AP3S1: variants seen among roughly 807,000 people sequenced by gnomAD.
AP3S1 encodes adaptor related protein complex 3 subunit sigma 1, also known as AP-3 complex subunit sigma-1.
Under a neutral mutation model 21.3 loss-of-function variants are expected in AP3S1, and 12 were observed. The ratio of observed to expected loss-of-function variants is 0.56; its 90% CI spans 0.36 to 0.91. The LOEUF (loss-of-function observed/expected upper bound fraction) is 0.91, where lower values mean the gene tolerates loss of function less well. Ranked by LOEUF, AP3S1 falls within the 40% of genes least tolerant of loss-of-function variation. The pLI is 0.01. For synonymous variants in AP3S1, 48 were observed against 78.4 expected (o/e 0.61, Z 2.05); for missense variants, 116 against 225.0 (o/e 0.52, Z 3.10).
At chr5:115,845,157 T>C (rs1452674616) in intron 1 of AP3S1, among the ~76,000 whole-genome samples, 2 of 152,208 alleles carry the variant, frequency 1.3e-5, no homozygotes, top group East Asian at 1.9e-4. Context: ...GAAGTATATG[T>C]CCAATATGAA....
intron 3 of AP3S1, among the ~76,000 whole-genome samples, chr5:115,885,928 G>A (rs1161171352): frequency 6.6e-6 from 1 of 152,134 alleles, no homozygotes. Flanking sequence ...ATTTATGTGG[G>A]TGCTGTAAGT....
intron 3 of AP3S1, among the ~76,000 whole-genome samples, chr5:115,870,682 A>G (rs967660783): frequency 6.6e-6 from 1 of 152,060 alleles, no homozygotes. Flanking sequence ...TTTCTTCTCA[A>G]ACACCTCCAA....
intron 3 of AP3S1, among the ~76,000 whole-genome samples, chr5:115,881,267 T>TTAGTTGG (rs1239892839): frequency 1.3e-5 from 2 of 152,308 alleles, no homozygotes; most frequent in East Asian, 3.9e-4. Flanking sequence ...ATTTTGCCTG[T>TTAGTTGG]TAGTTGGTGC....
chr5:115,855,699 A>G (rs959441311), intron 1 of AP3S1, among the ~76,000 whole-genome samples: 1 of 152,218 alleles, frequency 6.6e-6, no homozygotes, highest in African/African-American at 2.4e-5. Context: ...ACAAAACTAT[A>G]AATTCAAAAT....
chr5:115,888,941 A>T (rs1159101147), intron 3 of AP3S1, among the ~76,000 whole-genome samples: 1 of 152,122 alleles, frequency 6.6e-6, no homozygotes, highest in Non-Finnish European at 1.5e-5. Context: ...TCTCTATCTT[A>T]TAGTTCTGAG....
chr5:115,893,959 A>C (rs4143542), intron 3 of AP3S1, among the ~76,000 whole-genome samples: 17,374 of 152,240 alleles, frequency 0.11, 1,611 homozygotes, highest in East Asian at 0.33. Flanking sequence ...GGAATAGAAT[A>C]GTCAGTGACA....
chr5:115,906,922 C>T, intron 5 of AP3S1: 1 of 1,446,584 alleles, frequency 6.9e-7, no homozygotes, highest in Non-Finnish European at 9.1e-7. Context: ...ATGTCAAAGG[C>T]AATTAATTAT....
rs759382686 is a variant in AP3S1, at chr5:115,906,775, C to T, written c.453+3783C>T. ...TTGAAAGTCAGTCCTCTTTTTTTTC[C>T]GAACATCCTGATCTTTCTAGCTCTT... On this transcript the variant is annotated intron_variant, in intron 5 of 5. Coordinates refer to ENST00000316788, the MANE Select transcript of AP3S1 (RefSeq NM_001284.4). 1,318 of 1,393,612 alleles carry T rather than the reference C, an allele frequency of 9.5e-4. 2 individuals carry two copies. Among genetic ancestry groups the T allele is most frequent in the Non-Finnish European group, 1.1e-3 (1,213 of 1,056,236 alleles). The allele number at this position is 1,393,612 out of a possible 1,614,324, so 86.3% of individuals were successfully genotyped here.
chr5:115,899,841 A>G (rs1751060278), intron 4 of AP3S1, among the ~76,000 whole-genome samples: 1 of 152,148 alleles, frequency 6.6e-6, no homozygotes. Flanking sequence ...GATCTTATCC[A>G]ATTGAGAGAA....
chr5:115,856,962 G>C (rs924513939), intron 1 of AP3S1, among the ~76,000 whole-genome samples: 1 of 152,000 alleles, frequency 6.6e-6, no homozygotes, highest in African/African-American at 2.4e-5. Context: ...TGCTTTCCCC[G>C]TTCCTCCTTT....
chr5:115,889,413 A>G (rs1750084585), intron 3 of AP3S1, among the ~76,000 whole-genome samples: 1 of 152,236 alleles, frequency 6.6e-6, no homozygotes, highest in South Asian at 2.1e-4. Context: ...TTTCAGATAA[A>G]TTTGGTCCAA....
intron 1 of AP3S1, 74 bp downstream of exon 1, chr5:115,842,180 C>T: frequency 6.7e-7 from 1 of 1,495,662 alleles, no homozygotes; most frequent in Non-Finnish European, 8.9e-7. Context: ...GCGGCTTTCT[C>T]AGAGCGACCC....
At chr5:115,855,062 T>C (rs1359540250) in intron 1 of AP3S1, among the ~76,000 whole-genome samples, 1 of 150,830 alleles carries the variant, frequency 6.6e-6, no homozygotes, top group Non-Finnish European at 1.5e-5. Flanking sequence ...TATCTATCTA[T>C]CTCTGTCTCT....
rs930090682 is a variant in AP3S1, at chr5:115,888,308, T to G, written c.274-6779T>G. On this transcript the variant is annotated intron_variant, in intron 3 of 5. Transcript: ENST00000316788. Reference sequence around the variant, plus strand: ...GCAACAGCAATTTTTTTATTGTTGTTATGGTTAGAACCATCGAGACTCTAA... The same window carrying G: ...GCAACAGCAATTTTTTTATTGTTGTGATGGTTAGAACCATCGAGACTCTAA... Among the ~76,000 whole-genome samples the G allele has an allele frequency of 2.0e-5, 3 of 152,176 alleles. No homozygotes were observed. The East Asian group carries it at 5.8e-4, about 29-fold the overall frequency.
At chr5:115,845,942 C>A (rs539343513) in intron 1 of AP3S1, among the ~76,000 whole-genome samples, 1 of 146,652 alleles carries the variant, frequency 6.8e-6, no homozygotes, top group Non-Finnish European at 1.5e-5. Context: ...TATGACTGCA[C>A]AAATTCAAAT....
intron 1 of AP3S1, among the ~76,000 whole-genome samples, chr5:115,853,811 G>C (rs1200983731): frequency 6.6e-6 from 1 of 152,106 alleles, no homozygotes; most frequent in Non-Finnish European, 1.5e-5. Flanking sequence ...CTACCACCAT[G>C]GTTGACTCTC....
chr5:115,909,332 A>G (rs1751914903), intron 5 of AP3S1, among the ~76,000 whole-genome samples: 3 of 152,218 alleles, frequency 2.0e-5, no homozygotes, highest in African/African-American at 7.2e-5. Context: ...AAAACAAATC[A>G]TATCCATCCA....
intron 5 of AP3S1, among the ~76,000 whole-genome samples, chr5:115,906,125 T>C (rs1173710378): frequency 2.6e-5 from 4 of 152,180 alleles, no homozygotes; most frequent in Admixed American, 2.0e-4. Flanking sequence ...ACCACTGCAC[T>C]CCAGCCTGCG....
At chr5:115,881,536 G>T (rs1749288202) in intron 3 of AP3S1, among the ~76,000 whole-genome samples, 1 of 152,130 alleles carries the variant, frequency 6.6e-6, no homozygotes, top group African/African-American at 2.4e-5. Context: ...CTGTTTTCTG[G>T]CTTACAAGCC....
Sources: allele counts gnomAD v4.1 joint callset (sites outside exome capture counted in the v4.1 genomes callset), GRCh38; gene constraint gnomAD v4.1.1; transcripts MANE v1.5; gene names NCBI Gene and HGNC (gene_info 2026-07-23, HGNC 2026-07-21).